SHLD2: variants seen among roughly 807,000 people sequenced by gnomAD.
SHLD2 encodes shieldin complex subunit 2, also known as RINN1-REV7-interacting novel NHEJ regulator 2.
A neutral mutation model predicts 73.2 loss-of-function variants in SHLD2; 30 were observed. That is an observed-to-expected ratio of 0.41 (90% CI 0.31 to 0.56). The LOEUF (loss-of-function observed/expected upper bound fraction) is 0.56. Ranked by LOEUF, SHLD2 falls within the 20% of genes least tolerant of loss-of-function variation. The pLI is 0.28. For missense variants in SHLD2, 745 were observed against 1,055.9 expected (o/e 0.71, Z 4.08); for synonymous variants, 285 against 370.1 (o/e 0.77, Z 2.64).
intron 4 of SHLD2, 28 bp downstream of exon 4, chr10:87,158,183 T>G: frequency 6.2e-7 from 1 of 1,600,298 alleles, no homozygotes. Flanking sequence ...TGAAGTAATG[T>G]AGTAGTGTTT....
chr10:87,128,433 A>G (rs1483922858), intron 2 of SHLD2, among the ~76,000 whole-genome samples: 1 of 152,210 alleles, frequency 6.6e-6, no homozygotes, highest in Non-Finnish European at 1.5e-5. Context: ...GTGCTCCAAC[A>G]TGGAGTAGTC....
chr10:87,180,827 TC>T (rs1456919114), intron 8 of SHLD2, among the ~76,000 whole-genome samples: 2 of 152,234 alleles, frequency 1.3e-5, no homozygotes, highest in Admixed American at 6.5e-5. Context: ...GATATTTTTC[TC>T]TTTACCTCAT....
chr10:87,155,851 AT>A (rs1380220093), intron 3 of SHLD2, among the ~76,000 whole-genome samples: 5 of 151,918 alleles, frequency 3.3e-5, no homozygotes, highest in African/African-American at 1.2e-4. Flanking sequence ...TTCTATGAAC[AT>A]TTTTTTTAAA....
At chr10:87,124,642 G>T (rs903651284) in intron 2 of SHLD2, among the ~76,000 whole-genome samples, 7 of 151,964 alleles carry the variant, frequency 4.6e-5, no homozygotes, top group Non-Finnish European at 1.0e-4. Context: ...TGCTGCTGTC[G>T]CTCACTGGTG....
At chr10:87,141,764 C>T (rs7089502) in intron 2 of SHLD2, among the ~76,000 whole-genome samples, 1,921 of 152,238 alleles carry the variant, frequency 0.013, 46 homozygotes, top group African/African-American at 0.044. Flanking sequence ...AGCACGGTGG[C>T]TCATGCTGGT....
chr10:87,160,312 C>A (rs977723380), intron 4 of SHLD2, among the ~76,000 whole-genome samples: 1 of 151,576 alleles, frequency 6.6e-6, no homozygotes, highest in Non-Finnish European at 1.5e-5. Context: ...TATGGTGAAA[C>A]CTCATCTCTA....
rs1191497608 is a variant in SHLD2 at position 87,151,572 on chromosome 10, T to G, written c.218T>G (p.Leu73Arg). The change falls in exon 3 of 10, where the codon CTT becomes CGT. Residue 73 changes from leucine (L) to arginine (R), a missense_variant. Leu to Arg is a moderately radical substitution (Grantham distance 102, BLOSUM62 -2). Coordinates refer to ENST00000298786, the MANE Select transcript of SHLD2 (RefSeq NM_001330112.2). ...CCAGAATCTATTGGTTCTCCAGATC[T>G]TAGTGGTCATTTCTTAGCAAACTGT... ...KVPESIGSPD[L>R]SGHFLANCMN... The G allele has an allele frequency of 1.2e-6, 2 of 1,611,654 alleles. No homozygotes were observed. The highest frequency in any genetic ancestry group is 1.7e-6 in the Non-Finnish European group (2 of 1,179,656).
At chr10:87,188,240 T>G (rs1848747156) in intron 9 of SHLD2, among the ~76,000 whole-genome samples, 1 of 152,218 alleles carries the variant, frequency 6.6e-6, no homozygotes, top group Non-Finnish European at 1.5e-5. Flanking sequence ...AGCTCTGTCT[T>G]GTGCCTTTAG....
intron 2 of SHLD2, among the ~76,000 whole-genome samples, chr10:87,131,201 A>G (rs972708039): frequency 5.9e-5 from 9 of 151,644 alleles, no homozygotes; most frequent in Non-Finnish European, 8.8e-5. Flanking sequence ...TTTGTTAAGC[A>G]TCTTTTTTGT....
At chr10:87,167,628 G>A (rs1395579011) in intron 4 of SHLD2, among the ~76,000 whole-genome samples, 1 of 151,934 alleles carries the variant, frequency 6.6e-6, no homozygotes, top group African/African-American at 2.4e-5. Context: ...TTGAAAAGTG[G>A]GACCTAATAA....
In SHLD2 at chr10:87,190,572, G is replaced by A; in HGVS notation, c.2604G>A (p.Lys868=). 3 of 1,611,950 alleles carry A rather than the reference G, an allele frequency of 1.9e-6. No homozygotes were observed. In the South Asian group the frequency reaches 3.3e-5, roughly 18 times the overall value. The change falls in exon 10 of 10, where the codon AAG becomes AAA. Residue 868 remains lysine (K), a synonymous_variant. Coordinates refer to ENST00000298786, the MANE Select transcript of SHLD2 (RefSeq NM_001330112.2). ...TCAGCGCAGAACCTTGTGTATTAAA[G>A]ATTCAGAGCCTTTTTGTGTTAGATG... ...LAVSAEPCVL[K]IQSLFVLDEN...
intron 2 of SHLD2, among the ~76,000 whole-genome samples, chr10:87,129,063 G>A (rs990546429): frequency 6.6e-6 from 1 of 151,310 alleles, no homozygotes; most frequent in Non-Finnish European, 1.5e-5. Flanking sequence ...GCATCACCAC[G>A]CCAAGCCAAT....
Position 87,152,477 on chromosome 10 carries a change from G to A in SHLD2, c.1123G>A (p.Ala375Thr), listed in dbSNP as rs1283846862. 6.2e-7 allele frequency: 1 copy of A among 1,611,670 alleles called. No individual in the cohort carries two copies. The highest frequency in any genetic ancestry group is 1.1e-5 in the South Asian group (1 of 90,938). ...CSQLNTFHKS[A>T]IKRSCTSEDK... ...CCAACTAAATACCTTCCACAAAAGT[G>A]CTATTAAAAGAAGCTGTACCTCTGA... is the stretch of plus-strand genomic sequence containing the variant. The change falls in exon 3 of 10, where the codon GCT becomes ACT. Residue 375 changes from alanine (A) to threonine (T), a missense_variant. Coordinates refer to ENST00000298786, the MANE Select transcript of SHLD2 (RefSeq NM_001330112.2).
At chr10:87,127,701 A>G (rs564109562) in intron 2 of SHLD2, among the ~76,000 whole-genome samples, 158 of 151,594 alleles carry the variant, frequency 1.0e-3, no homozygotes, top group Non-Finnish European at 1.8e-3. Context: ...CTCAGTTATT[A>G]GAAAAAACAC....
chr10:87,168,477 T>C (rs888505036), intron 4 of SHLD2, among the ~76,000 whole-genome samples: 3 of 151,336 alleles, frequency 2.0e-5, no homozygotes, highest in African/African-American at 7.3e-5. Flanking sequence ...TGCACACCTG[T>C]GGCCCCAGCT....
chr10:87,122,736 T>C (rs1275643209), intron 2 of SHLD2, among the ~76,000 whole-genome samples: 1 of 152,228 alleles, frequency 6.6e-6, no homozygotes. Flanking sequence ...AATTTACTTA[T>C]CAAGTTAACA....
At position 87,107,104 on chromosome 10, in the gene SHLD2, A is replaced by AAAAAAAG. The variant is rs1842646041; in HGVS notation, c.-6+10119_-6+10120insAAGAAAA. Among the ~76,000 whole-genome samples the AAAAAAAG allele has an allele frequency of 1.3e-5, 2 of 150,274 alleles. 1 individual carries two copies. The highest frequency in any genetic ancestry group is 1.4e-4 in the Admixed American group (2 of 14,692). ...TAAAGCAATAATTGGCAAAAAAAAA[A>AAAAAAAG]AAAAGAGATTTAAAATGTAGGATAA... On this transcript the variant is annotated intron_variant, in intron 2 of 9. Transcript: ENST00000298786.
intron 3 of SHLD2, among the ~76,000 whole-genome samples, chr10:87,156,684 T>C (rs1275316992): frequency 2.0e-5 from 3 of 152,200 alleles, no homozygotes; most frequent in Non-Finnish European, 2.9e-5. Context: ...ATCCAACATA[T>C]GCTTCACAGT....
intron 2 of SHLD2, among the ~76,000 whole-genome samples, chr10:87,119,939 C>T (rs4934298): frequency 0.69 from 104,713 of 151,848 alleles, 36,711 homozygotes; most frequent in East Asian, 0.84. Flanking sequence ...AATAAGGCTA[C>T]TGGAAGAAAA....
Sources: allele counts gnomAD v4.1 joint callset (sites outside exome capture counted in the v4.1 genomes callset), GRCh38; gene constraint gnomAD v4.1.1; transcripts MANE v1.5; gene names NCBI Gene and HGNC (gene_info 2026-07-23, HGNC 2026-07-21).